NHEJ1: variants seen among roughly 807,000 people sequenced by gnomAD.
NHEJ1 encodes the protein non-homologous end joining factor 1, also known as non-homologous end-joining factor 1.
In NHEJ1, 22 loss-of-function variants were observed where a neutral mutation model predicts 39.4. That is an observed-to-expected ratio of 0.56 (90% CI 0.40 to 0.80). The LOEUF (loss-of-function observed/expected upper bound fraction) is 0.80, where lower values mean the gene tolerates loss of function less well. Among genes scored for constraint, NHEJ1 ranks in the 30% least tolerant of loss-of-function variants. The pLI, the probability that NHEJ1 is intolerant of heterozygous loss-of-function variation, is 0.00. For missense variants in NHEJ1, 329 were observed against 357.1 expected (o/e 0.92, Z 0.63); for synonymous variants, 154 against 135.6 (o/e 1.14, Z -0.94).
intron 2 of NHEJ1, among the ~76,000 whole-genome samples, 193 bp downstream of exon 2, chr2:219,157,985 TCTCTCTCA>T (rs1166994153): frequency 7.2e-5 from 5 of 69,020 alleles, no homozygotes; most frequent in African/African-American, 2.4e-4. Context: ...TCTCTCTCTC[TCTCTCTCA>T]CACACACACA....
At position 219,159,513 on chromosome 2, in the gene NHEJ1, T is replaced by TTATATA. The variant is rs34180222; in HGVS notation, c.1-1157_1-1152dup. Among the ~76,000 whole-genome samples the TTATATA allele has an allele frequency of 9.2e-3, 825 of 90,090 alleles. 29 individuals are homozygous for TTATATA. Among genetic ancestry groups the TTATATA allele is most frequent in the African/African-American group, 0.019 (428 of 22,888 alleles). 59.1% of individuals were successfully genotyped at this position (90,090 alleles called of 152,430 possible). A position where few individuals can be genotyped will look rare whatever the true frequency, so the allele number is the denominator to read the frequency against. On this transcript the variant is annotated intron_variant, in intron 1 of 7. Transcript: ENST00000356853. ...TGCCCTTGTGACTTGTGACATAACT[T>TTATATA]TATATATATATGCATATATATATGC... is the stretch of plus-strand genomic sequence containing the variant.
In NHEJ1 at chr2:219,075,046, T is replaced by A. The variant is rs1948999641; in HGVS notation, c.*1335A>T. Among the ~76,000 whole-genome samples, 1 of 152,132 alleles carries A rather than the reference T, an allele frequency of 6.6e-6. No homozygotes were observed. The highest frequency in any genetic ancestry group is 1.5e-5 in the Non-Finnish European group (1 of 68,016). Reference sequence around the variant, plus strand: ...GGTCATGGGATAAGGAGGTTTACAGTGGGAGACTGGAAAGAAGAACCTAAT... The same window carrying A: ...GGTCATGGGATAAGGAGGTTTACAGAGGGAGACTGGAAAGAAGAACCTAAT... On this transcript the variant is annotated 3_prime_UTR_variant, in exon 8 of 8. Coordinates refer to ENST00000356853, the MANE Select transcript of NHEJ1 (RefSeq NM_024782.3).
chr2:219,095,445 T>C (rs1287925581), intron 5 of NHEJ1: 1 of 437,610 alleles, frequency 2.3e-6, no homozygotes, highest in Admixed American at 2.5e-5. Flanking sequence ...CTGGGTGATA[T>C]TGTACAATGC....
intron 5 of NHEJ1, among the ~76,000 whole-genome samples, chr2:219,123,988 G>A (rs1422573733): frequency 6.6e-6 from 1 of 152,176 alleles, no homozygotes; most frequent in Non-Finnish European, 1.5e-5. Context: ...GGCAGAGGTA[G>A]AGAGAGGGAG....
In NHEJ1 at chr2:219,074,928, G is replaced by T. The variant is rs1192309417; in HGVS notation, c.*1453C>A. ...TTGGTGGAGATCTCAGACTCTGCTA[G>T]CAGGAAAAAGCATGAGGGTAAGTCC... On this transcript the variant is annotated 3_prime_UTR_variant, in exon 8 of 8. Transcript: ENST00000356853. Among the ~76,000 whole-genome samples, 2 of 151,476 alleles carry T rather than the reference G, an allele frequency of 1.3e-5. No individual in the cohort carries two copies. The highest frequency in any genetic ancestry group is 2.9e-5 in the Non-Finnish European group (2 of 67,810).
intron 5 of NHEJ1, among the ~76,000 whole-genome samples, chr2:219,084,671 A>T (rs1369222942): frequency 1.3e-5 from 2 of 152,134 alleles, no homozygotes; most frequent in Non-Finnish European, 2.9e-5. Flanking sequence ...TACTTTGATG[A>T]GGCTGATGGA....
intron 5 of NHEJ1, among the ~76,000 whole-genome samples, chr2:219,136,045 T>C (rs1949624657): frequency 6.6e-6 from 1 of 152,174 alleles, no homozygotes; most frequent in Admixed American, 6.5e-5. Flanking sequence ...CAACTCTCTG[T>C]TGTCTTCTAT....
intron 5 of NHEJ1, among the ~76,000 whole-genome samples, chr2:219,080,550 AATAT>A (rs543049110): frequency 3.1e-4 from 42 of 136,390 alleles, no homozygotes; most frequent in South Asian, 1.1e-3. Flanking sequence ...AATAAATAAA[AATAT>A]ATATATATAT....
chr2:219,143,558 A>G (rs1949710041), intron 5 of NHEJ1, among the ~76,000 whole-genome samples: 1 of 152,236 alleles, frequency 6.6e-6, no homozygotes, highest in South Asian at 2.1e-4. Flanking sequence ...TAGGCAAGTC[A>G]CTTAACCTCT....
At chr2:219,133,677 T>C (rs1440663312) in intron 5 of NHEJ1, among the ~76,000 whole-genome samples, 1 of 152,266 alleles carries the variant, frequency 6.6e-6, no homozygotes, top group Non-Finnish European at 1.5e-5. Context: ...AAGGTCATTG[T>C]AACCATCTGA....
At chr2:219,137,455 G>A (rs978401098) in intron 5 of NHEJ1, among the ~76,000 whole-genome samples, 2 of 150,878 alleles carry the variant, frequency 1.3e-5, no homozygotes, top group African/African-American at 4.9e-5. Flanking sequence ...ATTAATAAGT[G>A]CAAGGAGAAT....
chr2:219,118,609 A>G (rs1005708760), intron 5 of NHEJ1, among the ~76,000 whole-genome samples: 2 of 152,182 alleles, frequency 1.3e-5, no homozygotes, highest in Admixed American at 1.3e-4. Context: ...GTGTCTGTAA[A>G]GCGGATGGAA....
intron 5 of NHEJ1, among the ~76,000 whole-genome samples, chr2:219,120,567 T>C (rs990334224): frequency 6.6e-6 from 1 of 152,194 alleles, no homozygotes; most frequent in African/African-American, 2.4e-5. Context: ...AGGAACTGCA[T>C]GCCAGTGTCC....
intron 5 of NHEJ1, among the ~76,000 whole-genome samples, chr2:219,134,013 C>T (rs560641792): frequency 6.6e-6 from 1 of 152,204 alleles, no homozygotes; most frequent in South Asian, 2.1e-4. Context: ...CTACTTCTAG[C>T]TCTCCAGCTA....
intron 5 of NHEJ1, among the ~76,000 whole-genome samples, chr2:219,139,334 C>T (rs1286925185): frequency 6.6e-6 from 1 of 152,128 alleles, no homozygotes; most frequent in Non-Finnish European, 1.5e-5. Context: ...GTGATCTGCC[C>T]GCCTCAGCCT....
intron 3 of NHEJ1, among the ~76,000 whole-genome samples, chr2:219,155,004 A>T (rs1462571166): frequency 6.7e-6 from 1 of 148,352 alleles, no homozygotes; most frequent in East Asian, 1.9e-4. Context: ...TATAATATAG[A>T]TATACTATAT....
intron 5 of NHEJ1, among the ~76,000 whole-genome samples, chr2:219,109,682 G>T (rs1462911741): frequency 6.6e-6 from 1 of 152,170 alleles, no homozygotes; most frequent in Non-Finnish European, 1.5e-5. Context: ...GCAAGGAGGC[G>T]TGGGTTGGGA....
Position 219,071,298 on chromosome 2 carries a change from G to A in NHEJ1, c.*5083C>T, listed in dbSNP as rs966528256. On this transcript the variant is annotated 3_prime_UTR_variant, in exon 8 of 8. Transcript: ENST00000356853. ...TCCTGTCACCCATTTCTGACTGGCC[G>A]TCAATCCTATCAGGGGTCCATAAAG... Among the ~76,000 whole-genome samples the A allele has an allele frequency of 2.6e-5, 4 of 152,122 alleles. No individual in the cohort carries two copies. The highest frequency in any genetic ancestry group is 5.9e-5 in the Non-Finnish European group (4 of 68,022).
intron 5 of NHEJ1, among the ~76,000 whole-genome samples, chr2:219,112,366 T>C (rs1477907640): frequency 1.3e-5 from 2 of 152,222 alleles, no homozygotes; most frequent in Non-Finnish European, 2.9e-5. Flanking sequence ...ATTGTCCTAA[T>C]TCACAAAGAC....
Sources: allele counts gnomAD v4.1 joint callset (sites outside exome capture counted in the v4.1 genomes callset), GRCh38; gene constraint gnomAD v4.1.1; transcripts MANE v1.5; gene names NCBI Gene and HGNC (gene_info 2026-07-23, HGNC 2026-07-21).